The following SPATS1 variants were observed in gnomAD, a reference collection of about 807,000 sequenced individuals.
SPATS1 encodes spermatogenesis associated serine rich 1, also known as spermatogenesis-associated serine-rich protein 1.
SPATS1 carries 23 observed loss-of-function variants against 33.6 expected under a neutral mutation model. The ratio of observed to expected loss-of-function variants is 0.68; its 90% confidence interval spans 0.49 to 0.97. The LOEUF is 0.97. Ranked by LOEUF, SPATS1 falls within the 50% of genes least tolerant of loss-of-function variation. The pLI is 0.00. For missense variants in SPATS1, 327 were observed against 361.0 expected (o/e 0.91, Z 0.76); for synonymous variants, 131 against 125.6 (o/e 1.04, Z -0.29).
rs532208210 is a variant in SPATS1, at chr6:44,372,231, C to T, written c.758+2118C>T. 5.6e-5 allele frequency among the ~76,000 whole-genome samples: 8 copies of T among 142,354 alleles called. No homozygotes were observed. The East Asian group carries it at 6.3e-4, about 11-fold the overall frequency. The allele number at this position is 142,354 out of a possible 152,430, so 93.4% of individuals were successfully genotyped here. Reference sequence around the variant, plus strand: ...ATCACGCCACTGCACTCCAGCCTGGCGACAGAGTGAGACTCCATCTCAAAA... The same window carrying T: ...ATCACGCCACTGCACTCCAGCCTGGTGACAGAGTGAGACTCCATCTCAAAA... On this transcript the variant is annotated intron_variant, in intron 7 of 8. Transcript: ENST00000674044.
At position 44,347,229 on chromosome 6, in the gene SPATS1, T is replaced by C. The variant is rs532601035; in HGVS notation, c.139+3995T>C. Reference sequence around the variant, plus strand: ...TCACACACTGGGGCCTGTCGTGGGGTTGGGGGAGGGGAGAAGGATAGCATT... The same window carrying C: ...TCACACACTGGGGCCTGTCGTGGGGCTGGGGGAGGGGAGAAGGATAGCATT... On this transcript the variant is annotated intron_variant, in intron 2 of 8. Transcript: ENST00000674044. Among the ~76,000 whole-genome samples the C allele has an allele frequency of 2.3e-4, 35 of 151,824 alleles. No homozygotes were observed. In the South Asian group the frequency reaches 3.1e-3, roughly 14 times the overall value.
In SPATS1 at chr6:44,363,521, C is replaced by T. The variant is rs144555475; in HGVS notation, c.574+1529C>T. Reference sequence around the variant, plus strand: ...ATAATGACCTAAATCTCAATCTTGACTTATCACTGCCCTCCTGGCTCAAAA... The same window carrying T: ...ATAATGACCTAAATCTCAATCTTGATTTATCACTGCCCTCCTGGCTCAAAA... On this transcript the variant is annotated intron_variant, in intron 5 of 8. Transcript: ENST00000674044. 2.4e-4 allele frequency among the ~76,000 whole-genome samples: 36 copies of T among 152,306 alleles called. No homozygotes were observed. The East Asian group carries it at 4.4e-3, about 19-fold the overall frequency.
At chr6:44,364,726 T>A (rs1478439875) in intron 5 of SPATS1, among the ~76,000 whole-genome samples, 1 of 149,022 alleles carries the variant, frequency 6.7e-6, no homozygotes, top group Non-Finnish European at 1.5e-5. Flanking sequence ...TTCTTTCTTT[T>A]CTTTCTTTCT....
chr6:44,361,801 G>T (rs761562462), intron 4 of SPATS1, 30 bp from the exon 5 acceptor site: 1 of 1,614,032 alleles, frequency 6.2e-7, no homozygotes, highest in African/African-American at 1.3e-5. Context: ...TGGGAACAGT[G>T]CTAATGGAAG....
In SPATS1 at chr6:44,342,749, A is replaced by G. The variant is rs1787633421; in HGVS notation, c.-20A>G. 3 of 478,438 alleles carry G rather than the reference A, an allele frequency of 6.3e-6. No individual in the cohort carries two copies. Among genetic ancestry groups the G allele is most frequent in the South Asian group, 3.1e-5 (2 of 64,790 alleles). The allele number at this position is 478,438 out of a possible 1,614,324, so 29.6% of individuals were successfully genotyped here. A position where few individuals can be genotyped will look rare whatever the true frequency, so the allele number is the denominator to read the frequency against. On this transcript the variant is annotated 5_prime_UTR_variant, in exon 1 of 9. Transcript: ENST00000674044. ...GCGTGCGGCGTGCGTTCGGCAGTTC[A>G]GTTGCCAGTTGGTTCGTTGGTCCGT...
chr6:44,365,154 T>C (rs1244411734), intron 5 of SPATS1, among the ~76,000 whole-genome samples: 1 of 152,218 alleles, frequency 6.6e-6, no homozygotes, highest in African/African-American at 2.4e-5. Context: ...GCTGCCATTT[T>C]AAACTGGAAT....
chr6:44,374,551 G>C (rs1375806852), intron 7 of SPATS1, among the ~76,000 whole-genome samples: 1 of 152,156 alleles, frequency 6.6e-6, no homozygotes, highest in Non-Finnish European at 1.5e-5. Flanking sequence ...ATTGGATTCT[G>C]CTCGTGAGCC....
At chr6:44,360,603 T>C (rs781539195) in intron 4 of SPATS1, 33 bp downstream of exon 4, 1 of 1,612,518 alleles carries the variant, frequency 6.2e-7, no homozygotes, top group South Asian at 1.1e-5. Context: ...CATGCTTCTG[T>C]GCCCCAGGTC....
Position 44,360,630 on chromosome 6 carries a change from A to G in SPATS1, c.412+60A>G, listed in dbSNP as rs914778665. 3.1e-6 allele frequency: 5 copies of G among 1,597,542 alleles called. No individual in the cohort carries two copies. The South Asian group carries it at 3.4e-5, about 11-fold the overall frequency. ...CCCCAGGTCTTTTCAGAAGTCTGCC[A>G]TACTGTTGGCCACCCTCATCGAAGG... On this transcript the variant is annotated intron_variant, in intron 4 of 8. Coordinates refer to ENST00000674044, the MANE Select transcript of SPATS1 (RefSeq NM_001372081.1).
intron 3 of SPATS1, among the ~76,000 whole-genome samples, chr6:44,353,781 T>C (rs1788386490): frequency 6.6e-6 from 1 of 151,176 alleles, no homozygotes; most frequent in Admixed American, 6.6e-5. Flanking sequence ...CTCACGCCTG[T>C]AATCCCAGCA....
At chr6:44,364,739 TTTTC>T (rs768191440) in intron 5 of SPATS1, among the ~76,000 whole-genome samples, 10 of 151,908 alleles carry the variant, frequency 6.6e-5, no homozygotes, top group Non-Finnish European at 1.0e-4. Flanking sequence ...TTCTTTCTTT[TTTTC>T]TTTCTGTCTT....
chr6:44,372,154 T>G (rs1271653752), intron 7 of SPATS1, among the ~76,000 whole-genome samples: 8 of 148,284 alleles, frequency 5.4e-5, no homozygotes, highest in African/African-American at 2.0e-4. Context: ...CTTGGGAGGC[T>G]GAGGCAGGAG....
intron 4 of SPATS1, among the ~76,000 whole-genome samples, chr6:44,361,166 G>A (rs1182100175): frequency 2.0e-5 from 3 of 152,120 alleles, no homozygotes; most frequent in Admixed American, 1.3e-4. Context: ...GCTCTTCTTG[G>A]ATATCCCAGA....
chr6:44,376,300 T>C, intron 7 of SPATS1, 58 bp from the exon 8 acceptor site: 2 of 1,049,242 alleles, frequency 1.9e-6, no homozygotes, highest in Non-Finnish European at 2.9e-6. Flanking sequence ...TTATCCGCTG[T>C]TGGTGTTTGT....
intron 5 of SPATS1, among the ~76,000 whole-genome samples, chr6:44,366,227 C>T (rs529128115): frequency 6.6e-5 from 10 of 151,624 alleles, no homozygotes; most frequent in Non-Finnish European, 1.5e-4. Context: ...CAGGTTCAAG[C>T]GATTCTCCTG....
At chr6:44,376,315 T>C (rs1447967105) in intron 7 of SPATS1, 43 bp from the exon 8 acceptor site, 1 of 1,347,224 alleles carries the variant, frequency 7.4e-7, no homozygotes, top group Admixed American at 1.9e-5. Flanking sequence ...GTTTGTAAAT[T>C]TTGCATCAAA....
chr6:44,351,394 C>T (rs184292232), intron 2 of SPATS1, among the ~76,000 whole-genome samples: 1 of 152,142 alleles, frequency 6.6e-6, no homozygotes, highest in African/African-American at 2.4e-5. Context: ...CCCGTCGATA[C>T]CAAAAGATGA....
At chr6:44,367,732 T>C (rs1789335499) in intron 5 of SPATS1, among the ~76,000 whole-genome samples, 1 of 152,234 alleles carries the variant, frequency 6.6e-6, no homozygotes, top group South Asian at 2.1e-4. Flanking sequence ...ATTTTTTAAA[T>C]AGGCAATTTT....
At chr6:44,372,642 A>T (rs566906067) in intron 7 of SPATS1, among the ~76,000 whole-genome samples, 2 of 151,918 alleles carry the variant, frequency 1.3e-5, no homozygotes, top group African/African-American at 4.8e-5. Context: ...TTGTATTTTT[A>T]GTAGAGACAG....
Sources: allele counts gnomAD v4.1 joint callset (sites outside exome capture counted in the v4.1 genomes callset), GRCh38; gene constraint gnomAD v4.1.1; transcripts MANE v1.5; gene names NCBI Gene and HGNC (gene_info 2026-07-23, HGNC 2026-07-21).